The following KCNT2 variants were observed in gnomAD, a reference collection of about 807,000 sequenced individuals.
KCNT2 encodes the protein potassium channel subfamily T member 2.
In KCNT2, 67 loss-of-function variants were observed where a neutral mutation model predicts 153.8. The ratio of observed to expected loss-of-function variants is 0.44; its 90% confidence interval spans 0.36 to 0.53. KCNT2 has a LOEUF of 0.53. Ranked by LOEUF, KCNT2 falls within the 20% of genes least tolerant of loss-of-function variation. The probability of loss-of-function intolerance (pLI) is 0.00; values close to 1 mark genes in which losing one functional copy is unlikely to be tolerated. For missense variants in KCNT2, 975 were observed against 1,354.8 expected, an observed-to-expected ratio of 0.72 and a Z score of 4.40; for synonymous variants, 500 against 458.8, an observed-to-expected ratio of 1.09 and a Z score of -1.15.
At chr1:196,578,197 GAAAAAAAACAATCCCAAACCT>G (rs1661597269) in intron 1 of KCNT2, among the ~76,000 whole-genome samples, 2 of 15,148 alleles carry the variant, frequency 1.3e-4, no homozygotes, top group Non-Finnish European at 1.5e-3. Flanking sequence ...CCATAGTTAG[GAAAAAAAACAATCCCAAACCT>G]GCAGTCTTAC....
At chr1:196,342,263 A>C (rs776332025) in intron 14 of KCNT2, 35 bp from the exon 15 acceptor site, 42 of 1,554,600 alleles carry the variant, frequency 2.7e-5, no homozygotes, top group African/African-American at 6.9e-5. Flanking sequence ...CACACACACA[A>C]AAAGAAAACA....
intron 8 of KCNT2, among the ~76,000 whole-genome samples, chr1:196,461,365 C>T (rs564797090): frequency 2.6e-5 from 4 of 151,610 alleles, no homozygotes; most frequent in African/African-American, 9.7e-5. Flanking sequence ...ATTATTATGA[C>T]ATTGAACTAA....
intron 14 of KCNT2, among the ~76,000 whole-genome samples, chr1:196,346,290 T>G (rs1031582973): frequency 6.6e-6 from 1 of 152,130 alleles, no homozygotes; most frequent in Non-Finnish European, 1.5e-5. Flanking sequence ...ATTTTAGGAC[T>G]AATATTTTCT....
chr1:196,587,532 C>T (rs1021337676), intron 1 of KCNT2, among the ~76,000 whole-genome samples: 1 of 151,984 alleles, frequency 6.6e-6, no homozygotes, highest in Non-Finnish European at 1.5e-5. Flanking sequence ...CATTTATTAA[C>T]ATTCCATATA....
intron 12 of KCNT2, among the ~76,000 whole-genome samples, chr1:196,400,747 GAATAAGCTCCT>G (rs1238780246): frequency 6.6e-6 from 1 of 151,692 alleles, no homozygotes. Flanking sequence ...CAATATGAAA[GAATAAGCTCCT>G]AATAAATTGT....
intron 25 of KCNT2, among the ~76,000 whole-genome samples, chr1:196,264,287 C>T (rs1248542634): frequency 1.3e-5 from 2 of 151,996 alleles, no homozygotes; most frequent in African/African-American, 2.4e-5. Flanking sequence ...TGAGAGGGGA[C>T]TTTTTCATTG....
chr1:196,420,417 T>TCAATCTTAAA (rs1673103837), intron 12 of KCNT2, among the ~76,000 whole-genome samples: 1 of 151,850 alleles, frequency 6.6e-6, no homozygotes, highest in Non-Finnish European at 1.5e-5. Flanking sequence ...TTGTTAGAAA[T>TCAATCTTAAA]GTCCTCAAAT....
rs760048528 is a variant in KCNT2 at position 196,492,305 on chromosome 1, A to C, written c.132T>G (p.Phe44Leu). The change falls in exon 2 of 28, where the codon TTT becomes TTG. Residue 44 changes from phenylalanine to leucine, a missense_variant. Phe to Leu is a conservative substitution (Grantham distance 22). This residue lies in a region of KCNT2 where 140 missense variants were observed against 216.0 expected (regional missense o/e 0.65). Coordinates refer to ENST00000294725, the MANE Select transcript of KCNT2 (RefSeq NM_198503.5). ...QVEFYMNENT[F>L]KERLKLFFIK... ...TGAAAAATAATTTTAGTCTTTCTTT[A>C]AATGTATTTTCATTCATATAGAATT... The C allele has an allele frequency of 4.9e-6, 7 of 1,442,100 alleles. No individual in the cohort carries two copies. In the South Asian group the frequency reaches 9.2e-5, roughly 19 times the overall value. The allele number at this position is 1,442,100 out of a possible 1,614,324, so 89.3% of individuals were successfully genotyped here. A position where few individuals can be genotyped will look rare whatever the true frequency, so the allele number is the denominator to read the frequency against.
chr1:196,433,181 G>A (rs1405692673), intron 8 of KCNT2, among the ~76,000 whole-genome samples: 1 of 151,944 alleles, frequency 6.6e-6, no homozygotes, highest in African/African-American at 2.4e-5. Context: ...CTTGATCTTG[G>A]CCTTCACAGC....
Position 196,290,656 on chromosome 1 carries a change from C to T in KCNT2, c.2596-4898G>A, listed in dbSNP as rs145671673. Reference sequence around the variant, plus strand: ...CACCACTTATTTTTTTACTTATGTACTATAATTTTAATATACTTAAATAAA... The same window carrying T: ...CACCACTTATTTTTTTACTTATGTATTATAATTTTAATATACTTAAATAAA... On this transcript the variant is annotated intron_variant, in intron 22 of 27. Coordinates refer to ENST00000294725, the MANE Select transcript of KCNT2 (RefSeq NM_198503.5). Among the ~76,000 whole-genome samples, 4 of 151,662 alleles carry T rather than the reference C, an allele frequency of 2.6e-5. No individual in the cohort carries two copies. The South Asian group carries it at 6.2e-4, about 24-fold the overall frequency.
At chr1:196,400,351 T>G (rs1016358077) in intron 12 of KCNT2, among the ~76,000 whole-genome samples, 1 of 151,816 alleles carries the variant, frequency 6.6e-6, no homozygotes, top group Admixed American at 6.6e-5. Flanking sequence ...TATTTCATTA[T>G]GTTTAGTGTT....
chr1:196,553,208 A>G (rs908047127), intron 1 of KCNT2, among the ~76,000 whole-genome samples: 2 of 151,224 alleles, frequency 1.3e-5, no homozygotes, highest in African/African-American at 2.4e-5. Context: ...AGATAGAAAA[A>G]TATATTCCAT....
intron 8 of KCNT2, among the ~76,000 whole-genome samples, chr1:196,433,009 T>G (rs2148554972): frequency 6.6e-6 from 1 of 152,158 alleles, no homozygotes; most frequent in South Asian, 2.1e-4. Flanking sequence ...AGGTGATAAG[T>G]CATGAGGGTA....
chr1:196,284,248 A>AAAAAAAAT, intron 23 of KCNT2, among the ~76,000 whole-genome samples: 1 of 10,048 alleles, frequency 1.0e-4, no homozygotes, highest in African/African-American at 1.4e-4. Context: ...AAAAAAAAAA[A>AAAAAAAAT]ATATATATAT....
chr1:196,384,512 C>A (rs1437180702), intron 13 of KCNT2, among the ~76,000 whole-genome samples: 1 of 151,796 alleles, frequency 6.6e-6, no homozygotes, highest in African/African-American at 2.4e-5. Flanking sequence ...ACCATCATGG[C>A]GAAAGCCCAT....
chr1:196,243,421 T>C (rs1655136411), intron 26 of KCNT2, among the ~76,000 whole-genome samples: 1 of 152,324 alleles, frequency 6.6e-6, no homozygotes, highest in South Asian at 2.1e-4. Flanking sequence ...TTTAACTTTA[T>C]GTCACTGAAA....
chr1:196,475,516 G>A (rs183689067), intron 5 of KCNT2, among the ~76,000 whole-genome samples: 4 of 152,090 alleles, frequency 2.6e-5, no homozygotes, highest in Admixed American at 2.6e-4. Flanking sequence ...AGCCACTTAG[G>A]AGGGTGAGGC....
In KCNT2 at chr1:196,482,207, T is replaced by C. The variant is rs1292864031; in HGVS notation, c.324+124A>G. ...GAAATGAAAATGTTAGTCCAAGATG[T>C]GCATGAAGATTAATCAGGCAGAAAG... On this transcript the variant is annotated intron_variant, in intron 4 of 27. Transcript: ENST00000294725. 16 of 649,822 alleles carry C rather than the reference T, an allele frequency of 2.5e-5. No individual in the cohort carries two copies. The Admixed American group carries it at 5.2e-4, about 21-fold the overall frequency. The allele number at this position is 649,822 out of a possible 1,614,324, so 40.3% of individuals were successfully genotyped here. A position where few individuals can be genotyped will look rare whatever the true frequency, so the allele number is the denominator to read the frequency against.
At chr1:196,488,486 G>A (rs959230354) in intron 3 of KCNT2, among the ~76,000 whole-genome samples, 1 of 151,698 alleles carries the variant, frequency 6.6e-6, no homozygotes, top group African/African-American at 2.4e-5. Flanking sequence ...TCCTCTTAAT[G>A]TTTTCAAATA....
Sources: allele counts gnomAD v4.1 joint callset (sites outside exome capture counted in the v4.1 genomes callset), GRCh38; gene constraint gnomAD v4.1.1; regional missense constraint gnomAD v4.1.1; transcripts MANE v1.5; gene names NCBI Gene and HGNC (gene_info 2026-07-23, HGNC 2026-07-21).